Variants in RSPH3 observed in about 807,000 individuals in gnomAD.
The protein encoded by RSPH3 is radial spoke head protein 3 homolog.
RSPH3 carries 21 observed loss-of-function variants against 43.8 expected under a neutral mutation model. That is an observed-to-expected ratio of 0.48 (90% CI 0.34 to 0.69). The LOEUF (loss-of-function observed/expected upper bound fraction) is 0.69, where lower values mean the gene tolerates loss of function less well. RSPH3 is among the 30% of genes least tolerant of loss of function. RSPH3 has a pLI of 0.01. For synonymous variants in RSPH3, 173 were observed against 179.8 expected (o/e 0.96, Z 0.30); for missense variants, 487 against 516.0 (o/e 0.94, Z 0.54).
At chr6:158,997,417 ACATGCCAC>A (rs1391545411) in intron 1 of RSPH3, among the ~76,000 whole-genome samples, 1 of 151,900 alleles carries the variant, frequency 6.6e-6, no homozygotes, top group Non-Finnish European at 1.5e-5. Flanking sequence ...GATTACAGGT[ACATGCCAC>A]CATGCCCGGC....
rs1778814720 is a variant in RSPH3, at chr6:158,999,997, C to T, written c.-447G>A. On this transcript the variant is annotated 5_prime_UTR_variant, in exon 1 of 8. Coordinates refer to ENST00000367069, the MANE Select transcript of RSPH3 (RefSeq NM_031924.8). ...GTCATCCTTGAGGCCTGCGGGGCAACGGTGGCTGTCCTTGGCCCGGCTTTG... is the reference window on the plus strand; with the variant it reads ...GTCATCCTTGAGGCCTGCGGGGCAATGGTGGCTGTCCTTGGCCCGGCTTTG... 2 of 1,556,918 alleles carry T rather than the reference C, an allele frequency of 1.3e-6. No individual in the cohort carries two copies. Among genetic ancestry groups the T allele is most frequent in the Non-Finnish European group, 1.7e-6 (2 of 1,150,886 alleles).
intron 6 of RSPH3, among the ~76,000 whole-genome samples, chr6:158,979,601 C>G (rs567594539): frequency 7.0e-4 from 106 of 152,272 alleles, no homozygotes; most frequent in African/African-American, 2.5e-3. Flanking sequence ...GTCTATCCTA[C>G]AGGGTTATTG....
Position 158,984,434 on chromosome 6 carries a change from T to TTTTATATATA in RSPH3, c.347-628_347-627insTATATATAAA, listed in dbSNP as rs1300418942. ...AGTACAACAGTGGATAAAAAGTCAA[T>TTTTATATATA]TATATATATATATATATATATATAT... On this transcript the variant is annotated intron_variant, in intron 3 of 7. Coordinates refer to ENST00000367069, the MANE Select transcript of RSPH3 (RefSeq NM_031924.8). 2.6e-3 allele frequency among the ~76,000 whole-genome samples: 163 copies of TTTTATATATA among 63,642 alleles called. 17 individuals carry two copies. The highest frequency in any genetic ancestry group is 7.7e-3 in the African/African-American group (95 of 12,292). 41.8% of individuals were successfully genotyped at this position (63,642 alleles called of 152,430 possible). A position where few individuals can be genotyped will look rare whatever the true frequency, so the allele number is the denominator to read the frequency against.
downstream of RSPH3, among the ~76,000 whole-genome samples, chr6:158,968,527 C>T (rs1777656366): frequency 6.6e-6 from 1 of 152,074 alleles, no homozygotes; most frequent in Admixed American, 6.5e-5. Flanking sequence ...TGAGCCACCA[C>T]ACCTGGCTAT....
intron 1 of RSPH3, among the ~76,000 whole-genome samples, chr6:158,998,482 GA>G (rs536444738): frequency 0.12 from 15,918 of 128,788 alleles, 1,731 homozygotes; most frequent in East Asian, 0.42. Flanking sequence ...AAAAAAAAAA[GA>G]AAAAAAAAAA....
At chr6:158,997,750 A>G (rs909453158) in intron 1 of RSPH3, among the ~76,000 whole-genome samples, 1 of 152,210 alleles carries the variant, frequency 6.6e-6, no homozygotes, top group Non-Finnish European at 1.5e-5. Context: ...TTTGTAAGCA[A>G]CCACTTAAAG....
At chr6:158,981,017 A>C in intron 5 of RSPH3, 81 bp from the exon 6 acceptor site, 1 of 1,349,722 alleles carries the variant, frequency 7.4e-7, no homozygotes, top group Non-Finnish European at 1.0e-6. Context: ...TAAGTACAAG[A>C]ATCCAGACTT....
rs757160822 is a variant in RSPH3, at chr6:158,999,915, G to C, written c.-365C>G. On this transcript the variant is annotated 5_prime_UTR_variant, in exon 1 of 8. Transcript: ENST00000367069. ...CCGCCCAGCCGCGCCACCCAGGTAG[G>C]TGCGCCTGCGCTTTGCGAGGTTCCT... The C allele has an allele frequency of 6.2e-7, 1 of 1,612,570 alleles. No individual in the cohort carries two copies. The highest frequency in any genetic ancestry group is 1.1e-5 in the South Asian group (1 of 90,986).
intron 2 of RSPH3, 40 bp downstream of exon 2, chr6:158,993,799 A>C: frequency 2.8e-6 from 3 of 1,080,028 alleles, no homozygotes; most frequent in Non-Finnish European, 4.2e-6. Flanking sequence ...CCCATAGATA[A>C]TGTGAGAACA....
downstream of RSPH3, among the ~76,000 whole-genome samples, chr6:158,968,145 G>A (rs544423322): frequency 6.6e-6 from 1 of 152,192 alleles, no homozygotes; most frequent in East Asian, 1.9e-4. Flanking sequence ...TGTATTTTTT[G>A]TACCTTTATT....
chr6:158,995,311 C>G (rs769479942), intron 1 of RSPH3, among the ~76,000 whole-genome samples: 3 of 152,146 alleles, frequency 2.0e-5, no homozygotes, highest in Non-Finnish European at 4.4e-5. Flanking sequence ...TCAGTGTTTC[C>G]TATTTCATTA....
the RSPH3 span, among the ~76,000 whole-genome samples, chr6:158,963,395 C>T: frequency 8.3e-6 from 1 of 121,160 alleles, no homozygotes; most frequent in Non-Finnish European, 1.7e-5. Flanking sequence ...TTCCTTCCTC[C>T]CTCCCTCCCT....
At chr6:158,998,663 C>T (rs1778712380) in intron 1 of RSPH3, among the ~76,000 whole-genome samples, 1 of 151,304 alleles carries the variant, frequency 6.6e-6, no homozygotes, top group African/African-American at 2.4e-5. Flanking sequence ...TGAGACCAGC[C>T]TGGCCAACGT....
intron 2 of RSPH3, chr6:158,988,144 T>C (rs1389227834): frequency 6.7e-6 from 1 of 150,060 alleles, no homozygotes; most frequent in Non-Finnish European, 1.5e-5. Flanking sequence ...GTGGATACAA[T>C]ATTGTTACAT....
chr6:158,993,599 A>G (rs986786919), intron 2 of RSPH3, among the ~76,000 whole-genome samples: 5 of 151,744 alleles, frequency 3.3e-5, no homozygotes, highest in Non-Finnish European at 5.9e-5. Flanking sequence ...ACCTTGCAAA[A>G]CTGAAACTCT....
chr6:158,992,165 T>G (rs1168601394), intron 2 of RSPH3, among the ~76,000 whole-genome samples: 1 of 151,822 alleles, frequency 6.6e-6, no homozygotes, highest in African/African-American at 2.4e-5. Flanking sequence ...TGGATTTGAA[T>G]GCTATTATTC....
intron 1 of RSPH3, among the ~76,000 whole-genome samples, chr6:158,998,371 A>T (rs1358556881): frequency 1.4e-5 from 2 of 142,586 alleles, no homozygotes; most frequent in Non-Finnish European, 3.0e-5. Flanking sequence ...TGGGAGGCTG[A>T]GGCAGGAGAA....
rs942626947 is a variant in RSPH3 at position 158,985,730 on chromosome 6, GT to G, written c.346+549del. On this transcript the variant is annotated intron_variant, in intron 3 of 7. Transcript: ENST00000367069. ...GTGCTTGGCCAAAATTCTTCTTTTT[GT>G]TTTTTTTAAACCCCATCCCAGACTT... Among the ~76,000 whole-genome samples, 3 of 149,250 alleles carry G rather than the reference GT, an allele frequency of 2.0e-5. No homozygotes were observed. In the South Asian group the frequency reaches 6.4e-4, roughly 32 times the overall value.
rs1778818782 is a variant in RSPH3, at chr6:159,000,058, C to T, written c.-508G>A. 1 of 1,370,694 alleles carries T rather than the reference C, an allele frequency of 7.3e-7. No individual in the cohort carries two copies. Among genetic ancestry groups the T allele is most frequent in the Non-Finnish European group, 9.8e-7 (1 of 1,018,630 alleles). 84.9% of individuals were successfully genotyped at this position (1,370,694 alleles called of 1,614,324 possible). A position where few individuals can be genotyped will look rare whatever the true frequency, so the allele number is the denominator to read the frequency against. ...TTGCAGGGCTGGTGTTGGCGCCATT[C>T]TCGCAGGCCCACGTGCTCCTGCTCT... On this transcript the variant is annotated 5_prime_UTR_variant, in exon 1 of 8. Coordinates refer to ENST00000367069, the MANE Select transcript of RSPH3 (RefSeq NM_031924.8).
Sources: gnomAD v4.1 joint callset for allele counts (sites outside exome capture counted in the v4.1 genomes callset) on GRCh38, gnomAD v4.1.1 for gene constraint, MANE v1.5 for transcripts, NCBI Gene and HGNC (gene_info 2026-07-23, HGNC 2026-07-21) for gene names.